Variants in ANTXR2 observed in about 807,000 individuals in gnomAD.
The protein encoded by ANTXR2 is ANTXR cell adhesion molecule 2, also known as anthrax toxin receptor 2.
ANTXR2 carries 44 observed loss-of-function variants against 73.7 expected under a neutral mutation model. The observed-to-expected ratio is 0.60, with a 90% CI of 0.47 to 0.77. The LOEUF (loss-of-function observed/expected upper bound fraction) is 0.77. ANTXR2 is among the 30% of genes least tolerant of loss of function. ANTXR2 has a pLI of 0.00. For synonymous variants in ANTXR2, 217 were observed against 205.9 expected, an observed-to-expected ratio of 1.05 and a Z score of -0.46; for missense variants, 604 against 592.5, an observed-to-expected ratio of 1.02 and a Z score of -0.20.
chr4:80,040,763 T>TACAC (rs67089731), intron 7 of ANTXR2, among the ~76,000 whole-genome samples: 1 of 150,136 alleles, frequency 6.7e-6, no homozygotes, highest in Non-Finnish European at 1.5e-5. Context: ...CACACACACA[T>TACAC]ACACACACAC....
At chr4:80,014,869 T>C (rs28464573) in intron 11 of ANTXR2, among the ~76,000 whole-genome samples, 74,772 of 152,000 alleles carry the variant, frequency 0.49, 20,578 homozygotes, top group East Asian at 0.92. Context: ...GTAAGGTCAA[T>C]TAGCAGATAC....
intron 7 of ANTXR2, among the ~76,000 whole-genome samples, chr4:80,042,511 T>C (rs1020559174): frequency 1.3e-5 from 2 of 152,002 alleles, no homozygotes; most frequent in African/African-American, 4.8e-5. Context: ...CCTCACTGTC[T>C]CACCTAGGTT....
At chr4:80,047,828 G>C (rs1353326544) in intron 7 of ANTXR2, among the ~76,000 whole-genome samples, 1 of 151,658 alleles carries the variant, frequency 6.6e-6, no homozygotes, top group African/African-American at 2.4e-5. Context: ...CTTGGATCCA[G>C]CTGTACCTGA....
chr4:79,927,466 G>A (rs969844371), intron 16 of ANTXR2, among the ~76,000 whole-genome samples: 1 of 152,066 alleles, frequency 6.6e-6, no homozygotes, highest in Non-Finnish European at 1.5e-5. Flanking sequence ...AGATGCTCAA[G>A]TCCCTGATAT....
chr4:80,008,585 A>G lies in ANTXR2; in HGVS notation c.977T>C (p.Leu326Ser). The G allele has an allele frequency of 6.2e-7, 1 of 1,606,230 alleles. No homozygotes were observed. The highest frequency in any genetic ancestry group is 1.1e-5 in the South Asian group (1 of 88,992). ...SNGIAAIIVI[L>S]VLLLLLGIGL... Reference sequence around the variant, plus strand: ...GATCCCCAGGAGTAGCAGTAACACCAAAATAACAATGATGGCTGCGATCCC... The same window carrying G: ...GATCCCCAGGAGTAGCAGTAACACCGAAATAACAATGATGGCTGCGATCCC... The change falls in exon 12 of 17, where the codon TTG becomes TCG. Residue 326 changes from leucine to serine, a missense_variant. By Grantham distance (145) the Leu-to-Ser change is moderately radical. Transcript: ENST00000403729.
At chr4:79,910,457 C>G (rs1727079220) in intron 16 of ANTXR2, among the ~76,000 whole-genome samples, 1 of 145,174 alleles carries the variant, frequency 6.9e-6, no homozygotes, top group South Asian at 2.1e-4. Flanking sequence ...TGCAGTGAAC[C>G]AAGATCGCAC....
chr4:79,927,294 C>CCACACA lies in ANTXR2; in HGVS notation c.1429-19833_1429-19828dup, dbSNP rs112013307. The stretch of plus-strand genomic sequence containing the variant: ...AGAGAGTAGATTTTAGGAGCTCTTA[C>CCACACA]CACACACACACACACACGCACTCAC... On this transcript the variant is annotated intron_variant, in intron 16 of 16. Transcript: ENST00000403729. 4.6e-3 allele frequency among the ~76,000 whole-genome samples: 684 copies of CCACACA among 150,126 alleles called. 2 individuals carry two copies. Among genetic ancestry groups the CCACACA allele is most frequent in the Non-Finnish European group, 6.5e-3 (441 of 67,482 alleles).
In ANTXR2 at chr4:80,025,830, T is replaced by C. The variant is rs577729927; in HGVS notation, c.866+5793A>G. ...CTTATTTTTAGCATATCTCAATATG[T>C]GTAATAGATAAAACAAAAATTGCAG... On this transcript the variant is annotated intron_variant, in intron 10 of 16. Coordinates refer to ENST00000403729, the MANE Select transcript of ANTXR2 (RefSeq NM_058172.6). 5.3e-5 allele frequency among the ~76,000 whole-genome samples: 8 copies of C among 152,210 alleles called. No individual in the cohort carries two copies. The South Asian group carries it at 1.4e-3, about 28-fold the overall frequency.
chr4:79,984,029 G>A (rs765529067), intron 13 of ANTXR2, 59 bp from the exon 14 acceptor site: 43 of 1,182,274 alleles, frequency 3.6e-5, no homozygotes, highest in Admixed American at 1.3e-4. Flanking sequence ...CTGTTTAGTC[G>A]GAACTGGCTC....
chr4:80,034,105 T>A (rs765744381), intron 8 of ANTXR2, among the ~76,000 whole-genome samples: 2 of 152,118 alleles, frequency 1.3e-5, no homozygotes, highest in South Asian at 2.1e-4. Flanking sequence ...CATTTTCTAT[T>A]TCAAACCTAT....
chr4:79,952,495 C>CA (rs1728744028), intron 16 of ANTXR2, among the ~76,000 whole-genome samples: 1 of 151,496 alleles, frequency 6.6e-6, no homozygotes, highest in Non-Finnish European at 1.5e-5. Context: ...ATATTTTCAC[C>CA]AAAAATTTAG....
In ANTXR2 at chr4:80,030,402, G is replaced by A. The variant is rs72855825; in HGVS notation, c.866+1221C>T. On this transcript the variant is annotated intron_variant, in intron 10 of 16. Coordinates refer to ENST00000403729, the MANE Select transcript of ANTXR2 (RefSeq NM_058172.6). ...GATGTATCATGGCTAATACAGACACGATTATTCAGAAAGCCTTGAGTCCTA... is the reference window on the plus strand; with the variant it reads ...GATGTATCATGGCTAATACAGACACAATTATTCAGAAAGCCTTGAGTCCTA... 8.4e-3 allele frequency among the ~76,000 whole-genome samples: 1,272 copies of A among 152,144 alleles called. 13 individuals carry two copies. The highest frequency in any genetic ancestry group is 0.029 in the African/African-American group (1,203 of 41,528).
Position 80,040,791 on chromosome 4 carries a change from A to G in ANTXR2, c.637-4759T>C, listed in dbSNP as rs1733204404. 2.0e-5 allele frequency among the ~76,000 whole-genome samples: 3 copies of G among 151,642 alleles called. No individual in the cohort carries two copies. The Admixed American group carries it at 2.0e-4, about 10-fold the overall frequency. On this transcript the variant is annotated intron_variant, in intron 7 of 16. Transcript: ENST00000403729. ...ACACACACACACACACATATTGGCA[A>G]AGAACCTGATATCACCATGAAAAAG...
intron 1 of ANTXR2, 53 bp downstream of exon 1, chr4:80,072,356 C>A: frequency 2.0e-6 from 3 of 1,508,290 alleles, no homozygotes; most frequent in Admixed American, 2.2e-5. Context: ...TCAGCCCCAG[C>A]TGATCCAGTG....
intron 16 of ANTXR2, among the ~76,000 whole-genome samples, chr4:79,964,423 G>C (rs962683570): frequency 6.6e-6 from 1 of 152,178 alleles, no homozygotes; most frequent in East Asian, 1.9e-4. Context: ...CGGCATGTTT[G>C]ATGGAGGCCT....
rs70944756 is a variant in ANTXR2 at position 79,988,229 on chromosome 4, T to TTATATA, written c.1042-3372_1042-3367dup. The stretch of plus-strand genomic sequence containing the variant: ...TCAAGAAATTCATCTCACATAAATT[T>TTATATA]TATATATATATATATATATATATAT... On this transcript the variant is annotated intron_variant, in intron 12 of 16. Coordinates refer to ENST00000403729, the MANE Select transcript of ANTXR2 (RefSeq NM_058172.6). Among the ~76,000 whole-genome samples, 40 of 68,128 alleles carry TTATATA rather than the reference T, an allele frequency of 5.9e-4. 1 individual carries two copies. The highest frequency in any genetic ancestry group is 8.5e-4 in the Non-Finnish European group (30 of 35,140). 44.7% of individuals were successfully genotyped at this position (68,128 alleles called of 152,430 possible).
chr4:80,057,650 T>G (rs1734058663), intron 3 of ANTXR2, among the ~76,000 whole-genome samples: 2 of 151,934 alleles, frequency 1.3e-5, no homozygotes, highest in Admixed American at 1.3e-4. Context: ...ACACTCTTAT[T>G]CTGAGTCACC....
At chr4:79,910,238 TG>T (rs1727070396) in intron 16 of ANTXR2, among the ~76,000 whole-genome samples, 1 of 152,052 alleles carries the variant, frequency 6.6e-6, no homozygotes, top group South Asian at 2.1e-4. Flanking sequence ...TGGCCGGGTG[TG>T]GTGGCTCACG....
intron 10 of ANTXR2, among the ~76,000 whole-genome samples, chr4:80,026,900 G>T (rs1290435603): frequency 6.6e-6 from 1 of 152,098 alleles, no homozygotes; most frequent in Admixed American, 6.6e-5. Flanking sequence ...TGCCAGAACC[G>T]TATATAATAC....
Sources: gnomAD v4.1 joint callset for allele counts (sites outside exome capture counted in the v4.1 genomes callset) on GRCh38, gnomAD v4.1.1 for gene constraint, MANE v1.5 for transcripts, NCBI Gene and HGNC (gene_info 2026-07-23, HGNC 2026-07-21) for gene names.